Variants in CTNNAL1 observed in about 807,000 individuals in gnomAD.
The protein encoded by CTNNAL1 is alpha-catulin.
A neutral mutation model predicts 93.6 loss-of-function variants in CTNNAL1; 69 were observed. That is an observed-to-expected ratio of 0.74 (90% confidence interval 0.61 to 0.90). The LOEUF (loss-of-function observed/expected upper bound fraction) is 0.90. Among genes scored for constraint, CTNNAL1 ranks in the 40% least tolerant of loss-of-function variants. CTNNAL1 has a pLI of 0.00. For synonymous variants in CTNNAL1, 286 were observed against 305.4 expected (o/e 0.94, Z 0.66); for missense variants, 836 against 862.0 (o/e 0.97, Z 0.38).
chr9:109,005,732 T>C (rs976727504), intron 1 of CTNNAL1, among the ~76,000 whole-genome samples: 30 of 152,244 alleles, frequency 2.0e-4, no homozygotes, highest in African/African-American at 7.0e-4. Flanking sequence ...GGTGATTCTG[T>C]TTATTAAATA....
intron 3 of CTNNAL1, chr9:108,992,150 CA>C: frequency 1.5e-6 from 1 of 676,974 alleles, no homozygotes; most frequent in South Asian, 1.6e-5. Context: ...TCATAGTGCT[CA>C]CCTTTTCTTT....
At chr9:108,955,084 T>G (rs1464768128) in intron 12 of CTNNAL1, among the ~76,000 whole-genome samples, 1 of 152,056 alleles carries the variant, frequency 6.6e-6, no homozygotes, top group Non-Finnish European at 1.5e-5. Context: ...TGACTCACCC[T>G]CCCGAGTAGC....
At chr9:108,950,429 TATG>T (rs1830527189) in intron 14 of CTNNAL1, 2 of 1,447,936 alleles carry the variant, frequency 1.4e-6, no homozygotes, top group South Asian at 1.4e-5. Flanking sequence ...TGATGGAAAA[TATG>T]ATAAGGTACT....
chr9:108,993,743 T>C (rs1192507798), intron 2 of CTNNAL1, among the ~76,000 whole-genome samples: 3 of 152,228 alleles, frequency 2.0e-5, no homozygotes, highest in African/African-American at 2.4e-5. Flanking sequence ...AACCAACTTA[T>C]AGTGTTCAAG....
chr9:108,980,446 A>G (rs1388216963), intron 6 of CTNNAL1, among the ~76,000 whole-genome samples: 1 of 152,262 alleles, frequency 6.6e-6, no homozygotes, highest in African/African-American at 2.4e-5. Context: ...GATACCTTAC[A>G]TTTGTTTAAC....
At chr9:109,003,717 C>T (rs948010164) in intron 1 of CTNNAL1, among the ~76,000 whole-genome samples, 6 of 152,100 alleles carry the variant, frequency 3.9e-5, no homozygotes, top group African/African-American at 7.2e-5. Context: ...AGCTGAAAGA[C>T]GTTACACTTA....
Position 108,952,271 on chromosome 9 carries a change from A to G in CTNNAL1, c.1773T>C (p.Asn591=). ...TGTTCCGTCCATATTGAACAATCTC[A>G]TTCTCCTGATCTTCCCACTTCTCAA... ...CEIEKWEDQE[N]EIVQYGRNMS... Residue 591 remains asparagine (N), a synonymous_variant, in exon 14 of 19, where the codon AAT becomes AAC. Coordinates refer to ENST00000325551, the MANE Select transcript of CTNNAL1 (RefSeq NM_003798.4). The G allele has an allele frequency of 6.2e-7, 1 of 1,614,202 alleles. No homozygotes were observed. Among genetic ancestry groups the G allele is most frequent in the Non-Finnish European group, 8.5e-7 (1 of 1,180,000 alleles).
chr9:109,004,846 T>C (rs1022259512), intron 1 of CTNNAL1, among the ~76,000 whole-genome samples: 2 of 152,136 alleles, frequency 1.3e-5, no homozygotes, highest in Admixed American at 1.3e-4. Context: ...GAAAGCATTA[T>C]GTTTAACATA....
intron 1 of CTNNAL1, among the ~76,000 whole-genome samples, chr9:109,010,893 A>C (rs1224438822): frequency 1.3e-5 from 2 of 152,202 alleles, no homozygotes; most frequent in African/African-American, 4.8e-5. Flanking sequence ...CTGAGCTTTT[A>C]GAGTATGTAC....
intron 1 of CTNNAL1, among the ~76,000 whole-genome samples, chr9:109,002,313 A>C (rs1460544423): frequency 6.6e-6 from 1 of 152,140 alleles, no homozygotes; most frequent in African/African-American, 2.4e-5. Context: ...CTTGTGACCT[A>C]ATCACCTCCC....
intron 12 of CTNNAL1, 33 bp from the exon 13 acceptor site, chr9:108,952,527 A>C: frequency 6.2e-7 from 1 of 1,611,880 alleles, no homozygotes; most frequent in African/African-American, 1.3e-5. Flanking sequence ...ATTATCTTAA[A>C]AAGCAGTACA....
rs112984938 is a variant in CTNNAL1 at position 108,976,997 on chromosome 9, T to G, written c.1153A>C (p.Lys385Gln). ...IAEELELSIL[K>Q]ISHSLNELKK... ...AGTTCATTAAGACTGTGACTGATTT[T>G]CAAAATACTGAGTTCCAGTTCTTCA... Residue 385 changes from lysine (K) to glutamine (Q), a missense_variant, in exon 8 of 19, where the codon AAA (lysine) becomes CAA (glutamine). Coordinates refer to ENST00000325551, the MANE Select transcript of CTNNAL1 (RefSeq NM_003798.4). The G allele has an allele frequency of 5.3e-4, 808 of 1,527,620 alleles. 5 individuals carry two copies. The African/African-American group carries it at 0.01, about 19-fold the overall frequency. 94.6% of individuals were successfully genotyped at this position (1,527,620 alleles called of 1,614,324 possible). A position where few individuals can be genotyped will look rare whatever the true frequency, so the allele number is the denominator to read the frequency against.
At chr9:108,987,804 T>C (rs1033447338) in intron 4 of CTNNAL1, among the ~76,000 whole-genome samples, 1 of 152,130 alleles carries the variant, frequency 6.6e-6, no homozygotes, top group Non-Finnish European at 1.5e-5. Context: ...TGAATGGGAG[T>C]TCACTCATGA....
chr9:108,985,566 T>C (rs1017913412), intron 4 of CTNNAL1, among the ~76,000 whole-genome samples: 7 of 152,186 alleles, frequency 4.6e-5, no homozygotes, highest in Non-Finnish European at 7.3e-5. Flanking sequence ...TAATAAAAGA[T>C]AGAGATGGAA....
At chr9:108,965,655 T>C in intron 10 of CTNNAL1, 127 bp from the exon 11 acceptor site, 1 of 472,554 alleles carries the variant, frequency 2.1e-6, no homozygotes, top group Non-Finnish European at 3.6e-6. Flanking sequence ...GTAATTTCTA[T>C]ACACAAGCTC....
chr9:108,965,592 G>C (rs534792153), intron 10 of CTNNAL1, 64 bp from the exon 11 acceptor site: 3 of 929,540 alleles, frequency 3.2e-6, no homozygotes. Flanking sequence ...TCACTTTGAA[G>C]ACCAAAGGTA....
At chr9:108,995,119 A>T (rs1052172801) in intron 2 of CTNNAL1, among the ~76,000 whole-genome samples, 1 of 152,202 alleles carries the variant, frequency 6.6e-6, no homozygotes, top group Non-Finnish European at 1.5e-5. Context: ...TGTGGTTTTA[A>T]GTTGCTAAGT....
intron 8 of CTNNAL1, 31 bp from the exon 9 acceptor site, chr9:108,972,864 G>GGGGGGGCCCCCCCCCCCCCCCC: frequency 1.4e-5 from 2 of 142,560 alleles, no homozygotes; most frequent in East Asian, 2.2e-4. Context: ...GGGGGGGTGG[G>GGGGGGGCCCCCCCCCCCCCCCC]AGGGTGGAGA....
intron 2 of CTNNAL1, among the ~76,000 whole-genome samples, chr9:108,997,569 C>A (rs1007787730): frequency 4.6e-5 from 7 of 152,146 alleles, no homozygotes; most frequent in African/African-American, 1.7e-4. Context: ...ACATACAGGA[C>A]CGTGTATGAT....
Sources: gnomAD v4.1 joint callset for allele counts (sites outside exome capture counted in the v4.1 genomes callset) on GRCh38, gnomAD v4.1.1 for gene constraint, MANE v1.5 for transcripts, NCBI Gene and HGNC (gene_info 2026-07-23, HGNC 2026-07-21) for gene names.